Variants in NWD1 observed in about 807,000 individuals in gnomAD.
The protein encoded by NWD1 is NACHT and WD repeat domain containing 1.
A neutral mutation model predicts 135.1 loss-of-function variants in NWD1; 129 were observed. The ratio of observed to expected loss-of-function variants is 0.96; its 90% CI spans 0.83 to 1.11. The LOEUF is 1.11. Ranked by LOEUF, NWD1 falls within the 50% of genes least tolerant of loss-of-function variation. NWD1 has a pLI of 0.00. For missense variants in NWD1, 1,740 were observed against 1,851.3 expected (o/e 0.94, Z 1.10); for synonymous variants, 773 against 786.0 (o/e 0.98, Z 0.28).
chr19:16,795,118 C>T (rs1461494212), intron 15 of NWD1, among the ~76,000 whole-genome samples: 1 of 152,370 alleles, frequency 6.6e-6, no homozygotes, highest in Admixed American at 6.5e-5. Flanking sequence ...TTTTCTTGGC[C>T]TCTTTGCCAA....
chr19:16,762,963 T>C (rs1477993509), intron 8 of NWD1, among the ~76,000 whole-genome samples: 1 of 152,116 alleles, frequency 6.6e-6, no homozygotes, highest in African/African-American at 2.4e-5. Context: ...TTTGTATTTT[T>C]AGTAGAGACG....
rs758910754 is a variant in NWD1, at chr19:16,749,524, C to T, written c.882C>T (p.Leu294=). The change falls in exon 6 of 19, where the codon CTC becomes CTT. Residue 294 remains leucine, a synonymous_variant. Transcript: ENST00000524140. ...CGGCCGGACAGGAGTTGGCGTGGCT[C>T]TACCAAGAGATCCGCCACCACCTTT... ...LDTAGQELAW[L]YQEIRHHLWQ... 7 of 1,611,542 alleles carry T rather than the reference C, an allele frequency of 4.3e-6. No individual in the cohort carries two copies. The highest frequency in any genetic ancestry group is 3.3e-5 in the Admixed American group (2 of 59,966).
chr19:16,778,456 T>G (rs1462527801), intron 11 of NWD1, among the ~76,000 whole-genome samples: 1 of 151,440 alleles, frequency 6.6e-6, no homozygotes, highest in East Asian at 1.9e-4. Flanking sequence ...CAATATAATT[T>G]CTTTCTTTCT....
chr19:16,802,375 G>A (rs893871399), intron 17 of NWD1, among the ~76,000 whole-genome samples: 1 of 150,236 alleles, frequency 6.7e-6, no homozygotes, highest in African/African-American at 2.5e-5. Context: ...CAGGATGATC[G>A]CTTGAGCCCA....
At chr19:16,741,813 C>T (rs1968096730) in intron 4 of NWD1, among the ~76,000 whole-genome samples, 1 of 152,086 alleles carries the variant, frequency 6.6e-6, no homozygotes, top group African/African-American at 2.4e-5. Flanking sequence ...GCCTCTTTGG[C>T]TAAGACTCCA....
chr19:16,725,341 G>T (rs1286269574), intron 2 of NWD1, among the ~76,000 whole-genome samples: 2 of 151,230 alleles, frequency 1.3e-5, no homozygotes, highest in Non-Finnish European at 2.9e-5. Context: ...AACCAGACGT[G>T]ATGGTGCACA....
chr19:16,757,671 A>G (rs773848), intron 6 of NWD1, among the ~76,000 whole-genome samples: 1 of 152,068 alleles, frequency 6.6e-6, no homozygotes, highest in East Asian at 1.9e-4. Flanking sequence ...TGCTTAGGGG[A>G]TGTCTTCAGG....
rs1424355882 is a variant in NWD1, at chr19:16,802,873, C to T, written c.3736+2711C>T. On this transcript the variant is annotated intron_variant, in intron 17 of 18. Coordinates refer to ENST00000524140, the MANE Select transcript of NWD1 (RefSeq NM_001007525.5). ...AAACTTAGCCAGAAATCGCTTGAAC[C>T]CAGGAGGTGGCAATTGCAGTGAGCC... 9.9e-5 allele frequency among the ~76,000 whole-genome samples: 15 copies of T among 150,972 alleles called. 1 individual carries two copies. Among genetic ancestry groups the T allele is most frequent in the Admixed American group, 9.9e-4 (15 of 15,108 alleles).
chr19:16,728,016 G>A (rs1270977029), intron 2 of NWD1, among the ~76,000 whole-genome samples: 1 of 151,782 alleles, frequency 6.6e-6, no homozygotes, highest in Non-Finnish European at 1.5e-5. Context: ...AGCCAAGATC[G>A]CGCCATAGCA....
intron 2 of NWD1, among the ~76,000 whole-genome samples, chr19:16,729,417 C>T (rs1403956365): frequency 1.3e-5 from 2 of 151,988 alleles, no homozygotes; most frequent in Non-Finnish European, 2.9e-5. Context: ...CCTTCTTATT[C>T]TGATCCTTTG....
chr19:16,721,578 C>T (rs1967137011), intron 1 of NWD1: 1 of 147,974 alleles, frequency 6.8e-6, no homozygotes, highest in South Asian at 2.1e-4. Context: ...ACTGGGGCCT[C>T]AGTGAGATCA....
At chr19:16,766,657 C>T (rs1319915803) in intron 10 of NWD1, among the ~76,000 whole-genome samples, 1 of 152,038 alleles carries the variant, frequency 6.6e-6, no homozygotes, top group Non-Finnish European at 1.5e-5. Flanking sequence ...ATGATCTCAG[C>T]TCACTGCAAC....
At chr19:16,804,378 C>T (rs1329126678) in intron 17 of NWD1, among the ~76,000 whole-genome samples, 4 of 151,876 alleles carry the variant, frequency 2.6e-5, no homozygotes, top group South Asian at 4.2e-4. Flanking sequence ...GCCAGAAGTT[C>T]GAGACCAGAA....
At chr19:16,807,208 A>C (rs1006225437) in intron 17 of NWD1, among the ~76,000 whole-genome samples, 9 of 150,502 alleles carry the variant, frequency 6.0e-5, no homozygotes, top group Non-Finnish European at 1.3e-4. Flanking sequence ...AAATATGAAC[A>C]CCAGGCCGGG....
chr19:16,766,115 A>G (rs1408292248), intron 10 of NWD1, among the ~76,000 whole-genome samples: 3 of 152,160 alleles, frequency 2.0e-5, no homozygotes, highest in Non-Finnish European at 4.4e-5. Flanking sequence ...ATATGATAAG[A>G]GAGAAAACAA....
At chr19:16,772,830 A>G (rs1969462069) in intron 10 of NWD1, among the ~76,000 whole-genome samples, 1 of 151,812 alleles carries the variant, frequency 6.6e-6, no homozygotes, top group East Asian at 1.9e-4. Context: ...GTGTGATAAA[A>G]GAGGAAGGAA....
At chr19:16,757,177 GA>G (rs1174179125) in intron 6 of NWD1, among the ~76,000 whole-genome samples, 4 of 152,054 alleles carry the variant, frequency 2.6e-5, no homozygotes, top group African/African-American at 7.2e-5. Flanking sequence ...TGGTCCGCGG[GA>G]AAAAAATTGT....
intron 4 of NWD1, among the ~76,000 whole-genome samples, chr19:16,738,566 CAAAA>C (rs770498066): frequency 3.3e-5 from 3 of 91,528 alleles, no homozygotes; most frequent in Non-Finnish European, 2.2e-5. Context: ...GAGACTCTGT[CAAAA>C]AAAAAAAAAA....
intron 3 of NWD1, 21 bp downstream of exon 3, chr19:16,731,299 G>T: frequency 7.0e-7 from 1 of 1,433,870 alleles, no homozygotes. Flanking sequence ...GTCACTCCGG[G>T]CTCCATGCTT....
Sources: gnomAD v4.1 joint callset for allele counts (sites outside exome capture counted in the v4.1 genomes callset) on GRCh38, gnomAD v4.1.1 for gene constraint, MANE v1.5 for transcripts, NCBI Gene and HGNC (gene_info 2026-07-23, HGNC 2026-07-21) for gene names.